Variants in PDE8B observed in about 807,000 individuals in gnomAD.
PDE8B encodes the protein phosphodiesterase 8B.
In PDE8B, 26 loss-of-function variants were observed where a neutral mutation model predicts 101.3. The ratio of observed to expected loss-of-function variants is 0.26; its 90% CI spans 0.19 to 0.36. The LOEUF is 0.36. Ranked by LOEUF, PDE8B falls within the 10% of genes least tolerant of loss-of-function variation. PDE8B has a pLI of 1.00. For synonymous variants in PDE8B, 424 were observed against 429.3 expected (o/e 0.99, Z 0.15); for missense variants, 810 against 1,163.1 (o/e 0.70, Z 4.42).
chr5:77,409,148 A>G, intron 14 of PDE8B, 91 bp downstream of exon 14: 1 of 1,083,264 alleles, frequency 9.2e-7, no homozygotes, highest in Non-Finnish European at 1.4e-6. Context: ...GTGGTTGCAG[A>G]AGTACCTGTT....
intron 7 of PDE8B, among the ~76,000 whole-genome samples, chr5:77,347,172 A>C (rs1013225225): frequency 6.6e-6 from 1 of 152,218 alleles, no homozygotes; most frequent in African/African-American, 2.4e-5. Context: ...CTTGCCATAT[A>C]CTAGGCTCAG....
chr5:77,367,943 C>G (rs567714200), intron 10 of PDE8B, among the ~76,000 whole-genome samples: 1 of 152,372 alleles, frequency 6.6e-6, no homozygotes, highest in South Asian at 2.1e-4. Flanking sequence ...CAGTGCTGAA[C>G]TGGCTCCCCT....
chr5:77,283,203 G>T (rs950132043), intron 1 of PDE8B, among the ~76,000 whole-genome samples: 1 of 151,898 alleles, frequency 6.6e-6, no homozygotes, highest in Admixed American at 6.6e-5. Context: ...GCAGAATTTT[G>T]CAGAAAGTAG....
the PDE8B span, chr5:77,114,390 T>G: frequency 6.6e-6 from 1 of 152,066 alleles, no homozygotes; most frequent in Non-Finnish European, 1.5e-5. Context: ...AAACCATCAT[T>G]CTCAGCAAAC....
chr5:77,204,962 T>C, the PDE8B span, among the ~76,000 whole-genome samples: 2 of 152,222 alleles, frequency 1.3e-5, no homozygotes, highest in Non-Finnish European at 2.9e-5. Flanking sequence ...TTGTGAAATA[T>C]ATTTGTAAGA....
At chr5:77,095,930 T>A in the PDE8B span, among the ~76,000 whole-genome samples, 2 of 152,200 alleles carry the variant, frequency 1.3e-5, no homozygotes, top group African/African-American at 2.4e-5. Flanking sequence ...AGACATGTTA[T>A]ACAAGTTAGT....
At chr5:77,274,176 T>C (rs542311569) in intron 1 of PDE8B, among the ~76,000 whole-genome samples, 79 of 152,296 alleles carry the variant, frequency 5.2e-4, no homozygotes, top group Non-Finnish European at 4.0e-4. Context: ...AACTGCTGTT[T>C]AATGAATGCA....
At chr5:77,237,335 TG>T (rs1754892481) in intron 1 of PDE8B, among the ~76,000 whole-genome samples, 1 of 152,178 alleles carries the variant, frequency 6.6e-6, no homozygotes, top group African/African-American at 2.4e-5. Context: ...CTGCTTTTTC[TG>T]GTTTATTCAA....
intron 1 of PDE8B, among the ~76,000 whole-genome samples, chr5:77,303,432 C>CA (rs1436345075): frequency 1.3e-5 from 2 of 151,890 alleles, no homozygotes; most frequent in Admixed American, 1.3e-4. Context: ...TACTAAAATA[C>CA]AAAAAATTAG....
At chr5:77,387,562 C>T (rs540046522) in intron 10 of PDE8B, among the ~76,000 whole-genome samples, 2 of 152,160 alleles carry the variant, frequency 1.3e-5, no homozygotes, top group African/African-American at 2.4e-5. Context: ...CTTGGGGTTG[C>T]TCTTCTCGAG....
chr5:77,158,429 G>A, the PDE8B span, among the ~76,000 whole-genome samples: 1 of 152,242 alleles, frequency 6.6e-6, no homozygotes, highest in African/African-American at 2.4e-5. Flanking sequence ...TATTTAACCT[G>A]TGGCTTTCCT....
At chr5:77,263,978 C>A (rs927991344) in intron 1 of PDE8B, among the ~76,000 whole-genome samples, 8 of 152,146 alleles carry the variant, frequency 5.3e-5, no homozygotes, top group African/African-American at 1.9e-4. Flanking sequence ...CACAAACCTA[C>A]TTTCTATCTC....
intron 6 of PDE8B, among the ~76,000 whole-genome samples, chr5:77,344,340 G>C (rs1310393691): frequency 6.6e-6 from 1 of 152,204 alleles, no homozygotes. Flanking sequence ...TAGGAATTAG[G>C]TTATAATCTC....
At chr5:77,247,803 G>A (rs1757277416) in intron 1 of PDE8B, among the ~76,000 whole-genome samples, 1 of 152,150 alleles carries the variant, frequency 6.6e-6, no homozygotes, top group East Asian at 1.9e-4. Flanking sequence ...TCATGTCCTA[G>A]TATGATAACT....
chr5:77,155,546 T>C, the PDE8B span, among the ~76,000 whole-genome samples: 1 of 152,240 alleles, frequency 6.6e-6, no homozygotes, highest in Admixed American at 6.5e-5. Context: ...TGTTTCCTTA[T>C]GTGCAAAGAA....
the PDE8B span, among the ~76,000 whole-genome samples, chr5:77,167,407 C>T: frequency 1.3e-5 from 2 of 152,168 alleles, no homozygotes; most frequent in African/African-American, 4.8e-5. Flanking sequence ...AAAGAAAGAA[C>T]CTGTTGGGGA....
chr5:77,379,830 TTCTG>T (rs772850787), intron 10 of PDE8B, among the ~76,000 whole-genome samples: 1 of 152,190 alleles, frequency 6.6e-6, no homozygotes, highest in Non-Finnish European at 1.5e-5. Context: ...ATCAAAGACG[TTCTG>T]TACTATACCA....
At chr5:77,155,130 C>T in the PDE8B span, among the ~76,000 whole-genome samples, 2 of 152,316 alleles carry the variant, frequency 1.3e-5, no homozygotes, top group East Asian at 1.9e-4. Flanking sequence ...CCCTCCCTCT[C>T]TCTCCCTCCT....
At chr5:77,425,174 G>A (rs1797761192) in intron 20 of PDE8B, among the ~76,000 whole-genome samples, 1 of 152,208 alleles carries the variant, frequency 6.6e-6, no homozygotes, top group Admixed American at 6.5e-5. Context: ...ACATTGAACA[G>A]AGCTTTGACT....
Sources: gnomAD v4.1 joint callset for allele counts (sites outside exome capture counted in the v4.1 genomes callset) on GRCh38, gnomAD v4.1.1 for gene constraint, MANE v1.5 for transcripts, NCBI Gene and HGNC (gene_info 2026-07-23, HGNC 2026-07-21) for gene names.